LRMDA: variants seen among roughly 807,000 people sequenced by gnomAD.
LRMDA encodes the protein leucine rich melanocyte differentiation associated, also known as leucine-rich melanocyte differentiation-associated protein.
Under a neutral mutation model 29.8 loss-of-function variants are expected in LRMDA, and 18 were observed. That is an observed-to-expected ratio of 0.60 (90% CI 0.42 to 0.90). LRMDA has a LOEUF of 0.90. Ranked by LOEUF, LRMDA falls within the 40% of genes least tolerant of loss-of-function variation. The pLI is 0.00. For synonymous variants in LRMDA, 125 were observed against 109.4 expected (o/e 1.14, Z -0.89); for missense variants, 273 against 273.9 (o/e 1.00, Z 0.02).
rs555053406 is a variant in LRMDA, at chr10:76,214,856, T to G, written c.517-109545T>G. Among the ~76,000 whole-genome samples the G allele has an allele frequency of 2.0e-4, 30 of 152,280 alleles. No homozygotes were observed. The East Asian group carries it at 4.8e-3, about 25-fold the overall frequency. ...TGTGGCAGGAGCTGTACTTGGTGAT[T>G]TTGGGGCTTTTGTTTTCTGCTATTG... is the stretch of plus-strand genomic sequence containing the variant. On this transcript the variant is annotated intron_variant, in intron 5 of 6. Coordinates refer to ENST00000611255, the MANE Select transcript of LRMDA (RefSeq NM_001305581.2).
At chr10:75,590,674 T>A (rs1236935848) in intron 2 of LRMDA, among the ~76,000 whole-genome samples, 5 of 151,474 alleles carry the variant, frequency 3.3e-5, no homozygotes, top group African/African-American at 1.2e-4. Flanking sequence ...CCTTAAATAT[T>A]TTTTTTAAGA....
At chr10:76,547,613 T>A (rs1022954228) in intron 6 of LRMDA, among the ~76,000 whole-genome samples, 2 of 152,106 alleles carry the variant, frequency 1.3e-5, no homozygotes, top group Non-Finnish European at 2.9e-5. Context: ...GTAGAGATAA[T>A]GGCGGGAATG....
chr10:75,515,838 G>A (rs1224150086), intron 2 of LRMDA, among the ~76,000 whole-genome samples: 3 of 152,106 alleles, frequency 2.0e-5, no homozygotes, highest in African/African-American at 7.2e-5. Flanking sequence ...TTCTCCTAAT[G>A]CTATCCCTCC....
chr10:76,550,473 G>A (rs911818041), intron 6 of LRMDA, among the ~76,000 whole-genome samples: 7 of 122,772 alleles, frequency 5.7e-5, no homozygotes, highest in East Asian at 2.5e-4. Context: ...CAGTATCCCC[G>A]CCCCCAACCC....
chr10:76,254,339 C>CTATA lies in LRMDA; in HGVS notation c.517-70062_517-70061insTATA, dbSNP rs1372951892. Among the ~76,000 whole-genome samples, 124 of 149,290 alleles carry CTATA rather than the reference C, an allele frequency of 8.3e-4. 2 individuals are homozygous for CTATA. Among genetic ancestry groups the CTATA allele is most frequent in the Middle Eastern group, 3.4e-3 (1 of 292 alleles). On this transcript the variant is annotated intron_variant, in intron 5 of 6. Transcript: ENST00000611255. ...CCATACCATACCATACCATACCATA[C>CTATA]CATCCTATCCTATCCTATCCTATGC...
At chr10:76,261,266 G>T (rs1589399213) in intron 5 of LRMDA, among the ~76,000 whole-genome samples, 1 of 151,894 alleles carries the variant, frequency 6.6e-6, no homozygotes, top group Middle Eastern at 3.4e-3. Context: ...TAGAGACGGG[G>T]TTTCACCATA....
At chr10:76,370,076 T>C (rs1423735478) in intron 6 of LRMDA, among the ~76,000 whole-genome samples, 1 of 152,048 alleles carries the variant, frequency 6.6e-6, no homozygotes, top group Non-Finnish European at 1.5e-5. Context: ...TGATGTTAAA[T>C]AGACTGCAGA....
chr10:75,450,389 C>G (rs1183887653), intron 2 of LRMDA: 1 of 152,032 alleles, frequency 6.6e-6, no homozygotes, highest in African/African-American at 2.4e-5. Flanking sequence ...ATTTTTCAGT[C>G]TCTTGGGTGT....
intron 2 of LRMDA, among the ~76,000 whole-genome samples, chr10:75,474,080 A>ATGCAG (rs1844760195): frequency 6.6e-6 from 1 of 152,322 alleles, no homozygotes; most frequent in Non-Finnish European, 1.5e-5. Flanking sequence ...CATCTAGAAC[A>ATGCAG]TGCAGTTGCA....
At chr10:76,361,178 T>C (rs1841306853) in intron 6 of LRMDA, among the ~76,000 whole-genome samples, 1 of 152,092 alleles carries the variant, frequency 6.6e-6, no homozygotes, top group Admixed American at 6.5e-5. Context: ...GGAGAGCTGC[T>C]TGAGCCTGGG....
At chr10:75,666,088 A>C (rs983583324) in intron 2 of LRMDA, among the ~76,000 whole-genome samples, 43 of 152,176 alleles carry the variant, frequency 2.8e-4, no homozygotes, top group Admixed American at 1.3e-4. Context: ...TGATTTAAAA[A>C]AATTTGACCC....
intron 2 of LRMDA, among the ~76,000 whole-genome samples, chr10:75,780,863 C>T (rs751727726): frequency 2.0e-5 from 3 of 152,170 alleles, no homozygotes; most frequent in Admixed American, 1.3e-4. Context: ...TGTGTCCTGC[C>T]TTTCATCAGG....
intron 6 of LRMDA, among the ~76,000 whole-genome samples, chr10:76,373,014 T>C (rs1418467380): frequency 6.6e-6 from 1 of 152,190 alleles, no homozygotes; most frequent in African/African-American, 2.4e-5. Context: ...CAGGTGCTCA[T>C]TGCATATAAG....
intron 6 of LRMDA, among the ~76,000 whole-genome samples, chr10:76,383,393 T>C (rs1841616666): frequency 6.6e-6 from 1 of 151,466 alleles, no homozygotes; most frequent in South Asian, 2.1e-4. Context: ...CTTTCAGTTT[T>C]TTGAGTACAC....
At chr10:75,683,329 G>A (rs1007020625) in intron 2 of LRMDA, among the ~76,000 whole-genome samples, 2 of 152,170 alleles carry the variant, frequency 1.3e-5, no homozygotes, top group African/African-American at 4.8e-5. Context: ...AGTTAGACAC[G>A]CTTGCCTGGC....
intron 2 of LRMDA, among the ~76,000 whole-genome samples, chr10:75,963,936 T>A (rs1314821687): frequency 6.6e-6 from 1 of 152,256 alleles, no homozygotes; most frequent in Non-Finnish European, 1.5e-5. Flanking sequence ...GCTTTAATCC[T>A]TCTTGCTTTG....
chr10:75,439,603 A>G (rs913033574), intron 2 of LRMDA, among the ~76,000 whole-genome samples: 1 of 152,188 alleles, frequency 6.6e-6, no homozygotes, highest in African/African-American at 2.4e-5. Flanking sequence ...GCACATGGCC[A>G]CACAGAGCTG....
At chr10:76,087,390 T>C (rs1479834941) in intron 5 of LRMDA, among the ~76,000 whole-genome samples, 1 of 152,204 alleles carries the variant, frequency 6.6e-6, no homozygotes, top group African/African-American at 2.4e-5. Context: ...CTAGAAGCCC[T>C]GACATTAATT....
At chr10:75,778,602 G>A (rs1843342439) in intron 2 of LRMDA, among the ~76,000 whole-genome samples, 1 of 152,152 alleles carries the variant, frequency 6.6e-6, no homozygotes, top group African/African-American at 2.4e-5. Flanking sequence ...GCCTGCTGTG[G>A]GGTTTACAGA....
Sources: allele counts gnomAD v4.1 joint callset (sites outside exome capture counted in the v4.1 genomes callset), GRCh38; gene constraint gnomAD v4.1.1; transcripts MANE v1.5; gene names NCBI Gene and HGNC (gene_info 2026-07-23, HGNC 2026-07-21).